Variants in WDR27 observed in about 807,000 individuals in gnomAD.
WDR27 encodes WD repeat domain 27, also known as WD repeat-containing protein 27.
WDR27 carries 100 observed loss-of-function variants against 114.4 expected under a neutral mutation model. That is an observed-to-expected ratio of 0.87 (90% CI 0.74 to 1.03). The LOEUF (loss-of-function observed/expected upper bound fraction) is 1.03, where lower values mean the gene tolerates loss of function less well. Ranked by LOEUF, WDR27 falls within the 50% of genes least tolerant of loss-of-function variation. The probability of loss-of-function intolerance (pLI) is 0.00; values close to 1 mark genes in which losing one functional copy is unlikely to be tolerated. For missense variants in WDR27, 1,129 were observed against 1,092.9 expected, an observed-to-expected ratio of 1.03 and a Z score of -0.47; for synonymous variants, 449 against 423.1, an observed-to-expected ratio of 1.06 and a Z score of -0.75.
chr6:169,471,429 T>C (rs982035917), intron 25 of WDR27, among the ~76,000 whole-genome samples: 2 of 152,166 alleles, frequency 1.3e-5, no homozygotes, highest in Admixed American at 6.5e-5. Context: ...GATTTTATTT[T>C]TTTAAATTAA....
chr6:169,489,942 A>T (rs1362902500), intron 25 of WDR27, among the ~76,000 whole-genome samples: 2 of 152,194 alleles, frequency 1.3e-5, no homozygotes, highest in Non-Finnish European at 2.9e-5. Flanking sequence ...TCAACTTCAC[A>T]AACTACATTC....
intron 25 of WDR27, among the ~76,000 whole-genome samples, chr6:169,558,106 A>G (rs1358532212): frequency 6.6e-6 from 1 of 152,044 alleles, no homozygotes; most frequent in Non-Finnish European, 1.5e-5. Context: ...ATTTCATCAG[A>G]AATTGGTCTA....
intron 25 of WDR27, among the ~76,000 whole-genome samples, chr6:169,541,240 A>C (rs1796805664): frequency 6.6e-6 from 1 of 152,222 alleles, no homozygotes; most frequent in Non-Finnish European, 1.5e-5. Flanking sequence ...ACAAAACCAG[A>C]GTCTCTGAAG....
At chr6:169,613,699 G>A (rs1228940787) in intron 21 of WDR27, 43 bp from the exon 22 acceptor site, 8 of 1,522,422 alleles carry the variant, frequency 5.3e-6, no homozygotes, top group Non-Finnish European at 7.3e-6. Flanking sequence ...TTCAAAGGTT[G>A]AGTTAATAAG....
chr6:169,662,461 T>G (rs373070236), intron 8 of WDR27, 37 bp from the exon 9 acceptor site: 71 of 1,606,434 alleles, frequency 4.4e-5, no homozygotes, highest in Non-Finnish European at 5.8e-5. Context: ...AGAAGTGAAC[T>G]TAAATGCATC....
At chr6:169,546,256 C>T (rs1797445869) in intron 25 of WDR27, among the ~76,000 whole-genome samples, 2 of 152,212 alleles carry the variant, frequency 1.3e-5, no homozygotes, top group Non-Finnish European at 2.9e-5. Flanking sequence ...CCCAGCAACC[C>T]AGCAACTGCA....
At chr6:169,644,660 A>T (rs941555881) in intron 16 of WDR27, among the ~76,000 whole-genome samples, 2 of 151,568 alleles carry the variant, frequency 1.3e-5, no homozygotes, top group African/African-American at 4.8e-5. Context: ...ACTGTGGAAA[A>T]GCCTAGTTCA....
the WDR27 span, among the ~76,000 whole-genome samples, chr6:169,427,551 A>G: frequency 1.3e-5 from 2 of 152,184 alleles, no homozygotes; most frequent in Admixed American, 6.5e-5. Context: ...GACAGTGTGC[A>G]GAGGACTTGG....
chr6:169,578,433 G>T (rs2128135863), intron 24 of WDR27, among the ~76,000 whole-genome samples: 1 of 152,276 alleles, frequency 6.6e-6, no homozygotes, highest in Middle Eastern at 3.4e-3. Context: ...TATCTAGATT[G>T]GGTTTTTTTT....
Position 169,660,671 on chromosome 6 carries a change from T to C in WDR27, c.1121A>G (p.Tyr374Cys). ...GAAATCAAAGATCTTACCCTTGTAA[T>C]ACAAAGCAGCTTCCACTTCCAGGTT... The part of the protein sequence containing the change: ...LANLEVEAAL[Y>C]YKDFQSLSIL... The change falls in exon 10 of 26, where the codon TAT becomes TGT. Residue 374 changes from tyrosine to cysteine, a missense_variant. By Grantham distance (194) the Tyr-to-Cys change is radical. Coordinates refer to ENST00000448612, the MANE Select transcript of WDR27 (RefSeq NM_182552.5). 1.2e-6 allele frequency: 2 copies of C among 1,613,520 alleles called. No homozygotes were observed. Among genetic ancestry groups the C allele is most frequent in the Non-Finnish European group, 1.7e-6 (2 of 1,179,504 alleles).
chr6:169,585,928 A>G (rs1804466711), intron 23 of WDR27, among the ~76,000 whole-genome samples: 1 of 152,156 alleles, frequency 6.6e-6, no homozygotes. Flanking sequence ...TCATTTCTCT[A>G]AACATTTTTC....
At chr6:169,587,523 A>G (rs149055081) in intron 23 of WDR27, among the ~76,000 whole-genome samples, 184 of 152,226 alleles carry the variant, frequency 1.2e-3, no homozygotes, top group African/African-American at 4.1e-3. Flanking sequence ...CCGGCCCTCA[A>G]TGATTTCCTT....
chr6:169,576,604 TA>T (rs1208535701), intron 24 of WDR27, among the ~76,000 whole-genome samples: 2 of 151,674 alleles, frequency 1.3e-5, no homozygotes, highest in African/African-American at 2.4e-5. Context: ...CTATTAAAAA[TA>T]AAAATTAAAA....
Position 169,701,831 on chromosome 6 carries a change from T to C in WDR27, c.-288A>G. 1 of 303,266 alleles carries C rather than the reference T, an allele frequency of 3.3e-6. No individual in the cohort carries two copies. Among genetic ancestry groups the C allele is most frequent in the Middle Eastern group, 1.2e-3 (1 of 822 alleles). 18.8% of individuals were successfully genotyped at this position (303,266 alleles called of 1,614,324 possible). ...GCGAGCAACCGCGCAGCCCCCGCGCTCCAGCCCTGCGCCCTAGGCACACGC... is the reference window on the plus strand; with the variant it reads ...GCGAGCAACCGCGCAGCCCCCGCGCCCCAGCCCTGCGCCCTAGGCACACGC... On this transcript the variant is annotated 5_prime_UTR_variant, in exon 1 of 26. Coordinates refer to ENST00000448612, the MANE Select transcript of WDR27 (RefSeq NM_182552.5).
Position 169,664,186 on chromosome 6 carries a change from G to C in WDR27, c.884C>G (p.Ser295Cys), listed in dbSNP as rs1329775703. 6.2e-7 allele frequency: 1 copy of C among 1,605,852 alleles called. No homozygotes were observed. Among genetic ancestry groups the C allele is most frequent in the East Asian group, 2.2e-5 (1 of 44,848 alleles). Residue 295 changes from serine (S) to cysteine (C), a missense_variant, in exon 8 of 26, where the codon TCT becomes TGT. Transcript: ENST00000448612. ...CCCACCTGGCTGGCTGCACAGCCCA[G>C]ACTTAACCCTTCTTGTGGAGAAAGT... is the stretch of plus-strand genomic sequence containing the variant. The part of the protein sequence containing the change: ...TETFSTRRVK[S>C]GLCSQPEESQ...
chr6:169,682,699 G>A (rs1781851959), intron 2 of WDR27, among the ~76,000 whole-genome samples: 1 of 152,086 alleles, frequency 6.6e-6, no homozygotes, highest in Non-Finnish European at 1.5e-5. Context: ...GCAATGCTCA[G>A]GAAAATATGA....
intron 23 of WDR27, among the ~76,000 whole-genome samples, chr6:169,584,612 G>A (rs1415913860): frequency 6.6e-6 from 1 of 152,178 alleles, no homozygotes; most frequent in Non-Finnish European, 1.5e-5. Context: ...ACAGGTATGA[G>A]GTGCTAGCTC....
intron 25 of WDR27, among the ~76,000 whole-genome samples, chr6:169,476,809 A>G (rs1266117297): frequency 1.3e-5 from 2 of 152,192 alleles, no homozygotes; most frequent in Non-Finnish European, 2.9e-5. Context: ...ACCTTGTTGA[A>G]TTATGTTAGT....
chr6:169,594,766 C>T (rs1484097951), intron 23 of WDR27, among the ~76,000 whole-genome samples: 2 of 152,234 alleles, frequency 1.3e-5, no homozygotes, highest in Non-Finnish European at 2.9e-5. Flanking sequence ...CACATCTCTT[C>T]TCTTTATCCT....
Sources: allele counts gnomAD v4.1 joint callset (sites outside exome capture counted in the v4.1 genomes callset), GRCh38; gene constraint gnomAD v4.1.1; transcripts MANE v1.5; gene names NCBI Gene and HGNC (gene_info 2026-07-23, HGNC 2026-07-21).